Variants in PDE10A observed in about 807,000 individuals in gnomAD.
PDE10A encodes the protein cAMP and cAMP-inhibited cGMP 3',5'-cyclic phosphodiesterase 10A.
Under a neutral mutation model 97.7 loss-of-function variants are expected in PDE10A, and 39 were observed. The observed-to-expected ratio is 0.40, with a 90% CI of 0.31 to 0.52. The LOEUF is 0.52. PDE10A is among the 20% of genes least tolerant of loss of function. The probability of loss-of-function intolerance (pLI) is 0.56; values close to 1 mark genes in which losing one functional copy is unlikely to be tolerated. For synonymous variants in PDE10A, 371 were observed against 376.8 expected, an observed-to-expected ratio of 0.98 and a Z score of 0.18; for missense variants, 731 against 1,047.8, an observed-to-expected ratio of 0.70 and a Z score of 4.17.
intron 1 of PDE10A, among the ~76,000 whole-genome samples, chr6:165,700,100 C>T (rs1791531515): frequency 6.6e-6 from 1 of 152,196 alleles, no homozygotes; most frequent in Non-Finnish European, 1.5e-5. Flanking sequence ...ACCCAGATGT[C>T]CATCAATGGA....
chr6:165,777,251 G>A (rs1778212158), intron 1 of PDE10A, among the ~76,000 whole-genome samples: 1 of 152,206 alleles, frequency 6.6e-6, no homozygotes, highest in South Asian at 2.1e-4. Flanking sequence ...TGGGTGGCAA[G>A]AATGCTTCTT....
At chr6:165,413,905 G>A (rs552747106) in intron 12 of PDE10A, among the ~76,000 whole-genome samples, 1 of 151,928 alleles carries the variant, frequency 6.6e-6, no homozygotes, top group Non-Finnish European at 1.5e-5. Flanking sequence ...TGGTTCTTTT[G>A]TCTCCAAGTG....
chr6:165,435,383 G>C lies in PDE10A; in HGVS notation c.1195-6C>G. ...GGCGTGAATATACACAGGCTCTAGGGAGAAGAAAAGATGTTTTACAGACTT... is the reference window on the plus strand; with the variant it reads ...GGCGTGAATATACACAGGCTCTAGGCAGAAGAAAAGATGTTTTACAGACTT... On this transcript the variant is annotated splice_polypyrimidine_tract_variant and splice_region_variant and intron_variant, in intron 5 of 21. Transcript: ENST00000539869. The C allele has an allele frequency of 6.2e-7, 1 of 1,610,562 alleles. No individual in the cohort carries two copies. The highest frequency in any genetic ancestry group is 8.5e-7 in the Non-Finnish European group (1 of 1,178,684).
Position 165,643,621 on chromosome 6 carries a change from G to A in PDE10A, c.865+18326C>T, listed in dbSNP as rs550624767. Among the ~76,000 whole-genome samples the A allele has an allele frequency of 5.3e-5, 8 of 152,192 alleles. No individual in the cohort carries two copies. In the East Asian group the frequency reaches 5.8e-4, roughly 11 times the overall value. Reference sequence around the variant, plus strand: ...AGAAAGACAAATACTGAATGACCTCGCTTATATTTGGAACTTTTAAAAGAA... The same window carrying A: ...AGAAAGACAAATACTGAATGACCTCACTTATATTTGGAACTTTTAAAAGAA... On this transcript the variant is annotated intron_variant, in intron 1 of 21. Coordinates refer to ENST00000539869, the MANE Select transcript of PDE10A (RefSeq NM_001385079.1).
chr6:165,947,560 A>T (rs1446271601), intron 1 of PDE10A, among the ~76,000 whole-genome samples: 2 of 152,180 alleles, frequency 1.3e-5, no homozygotes, highest in Non-Finnish European at 2.9e-5. Context: ...TATTGGAAAG[A>T]GAGGGTAAAT....
chr6:165,482,217 ATCTT>A, intron 3 of PDE10A, 94 bp downstream of exon 3: 1 of 868,662 alleles, frequency 1.2e-6, no homozygotes, highest in Non-Finnish European at 2.0e-6. Context: ...TTTTGCCATA[ATCTT>A]TCTGATACTT....
chr6:165,508,707 G>A (rs906622782), intron 2 of PDE10A, among the ~76,000 whole-genome samples: 1 of 151,776 alleles, frequency 6.6e-6, no homozygotes, highest in Non-Finnish European at 1.5e-5. Flanking sequence ...TATAGTAACT[G>A]GGTTTAATTT....
intron 1 of PDE10A, among the ~76,000 whole-genome samples, chr6:165,816,556 A>G (rs531288878): frequency 6.6e-6 from 1 of 152,332 alleles, no homozygotes; most frequent in Admixed American, 6.5e-5. Context: ...GCCTTGCTTC[A>G]GTTTTCTTAG....
intron 2 of PDE10A, among the ~76,000 whole-genome samples, chr6:165,521,294 G>T (rs988445001): frequency 6.6e-6 from 1 of 152,012 alleles, no homozygotes; most frequent in Non-Finnish European, 1.5e-5. Flanking sequence ...AGACACAACA[G>T]AATTTAAATT....
rs999615724 is a variant in PDE10A, at chr6:165,954,992, C to T, written c.-615+32537G>A. On this transcript the variant is annotated intron_variant, in intron 1 of 19. Coordinates refer to the PDE10A transcript ENST00000366882. The stretch of plus-strand genomic sequence containing the variant: ...GTAGCTCCAGCCTGGCCCATTCCAA[C>T]CTGCCTTACACCTCCACAAGGATCT... 4.6e-5 allele frequency among the ~76,000 whole-genome samples: 7 copies of T among 152,176 alleles called. No individual in the cohort carries two copies. In the South Asian group the frequency reaches 8.3e-4, roughly 18 times the overall value.
At chr6:165,420,180 T>C (rs1788595942) in intron 10 of PDE10A, among the ~76,000 whole-genome samples, 1 of 152,168 alleles carries the variant, frequency 6.6e-6, no homozygotes, top group Admixed American at 6.5e-5. Flanking sequence ...AATTTTGTGG[T>C]CCAAACCCTG....
chr6:165,942,554 C>T (rs1055459573), intron 1 of PDE10A, among the ~76,000 whole-genome samples: 1 of 152,108 alleles, frequency 6.6e-6, no homozygotes, highest in Non-Finnish European at 1.5e-5. Context: ...TGTGTGCTTG[C>T]CAGGGCTCGC....
At chr6:165,412,384 G>A (rs1787932221) in intron 13 of PDE10A, among the ~76,000 whole-genome samples, 1 of 152,040 alleles carries the variant, frequency 6.6e-6, no homozygotes, top group Non-Finnish European at 1.5e-5. Context: ...TGATAAAACA[G>A]TCAATATTCA....
chr6:165,425,044 A>G (rs1583259211), intron 10 of PDE10A, among the ~76,000 whole-genome samples: 1 of 152,158 alleles, frequency 6.6e-6, no homozygotes, highest in Non-Finnish European at 1.5e-5. Context: ...AACAGTGTTC[A>G]TTAGGTTCCA....
At chr6:165,545,040 A>G (rs1370681619) in intron 1 of PDE10A, among the ~76,000 whole-genome samples, 2 of 152,120 alleles carry the variant, frequency 1.3e-5, no homozygotes, top group Non-Finnish European at 2.9e-5. Flanking sequence ...GGTGCAGGAT[A>G]CTACAGTAAG....
chr6:165,543,807 G>A (rs1219458140), intron 1 of PDE10A, among the ~76,000 whole-genome samples: 1 of 151,502 alleles, frequency 6.6e-6, no homozygotes, highest in Non-Finnish European at 1.5e-5. Context: ...TATACGTAAT[G>A]CCACTAAATT....
At chr6:165,482,033 C>T (rs1024636612) in intron 3 of PDE10A, among the ~76,000 whole-genome samples, 5 of 152,156 alleles carry the variant, frequency 3.3e-5, no homozygotes, top group African/African-American at 1.2e-4. Flanking sequence ...CCAATCTTTA[C>T]ATACAGTGTC....
At chr6:165,747,915 T>G (rs1792878568) in intron 1 of PDE10A, among the ~76,000 whole-genome samples, 1 of 152,202 alleles carries the variant, frequency 6.6e-6, no homozygotes, top group Admixed American at 6.5e-5. Flanking sequence ...GGGCTCAGCA[T>G]TTTCCGTGGC....
intron 1 of PDE10A, among the ~76,000 whole-genome samples, chr6:165,607,241 C>T (rs775881930): frequency 2.2e-4 from 33 of 152,208 alleles, no homozygotes; most frequent in Non-Finnish European, 2.1e-4. Flanking sequence ...GACAGCAATG[C>T]TTTAGCTGCA....
Sources: gnomAD v4.1 joint callset for allele counts (sites outside exome capture counted in the v4.1 genomes callset) on GRCh38, gnomAD v4.1.1 for gene constraint, MANE v1.5 for transcripts, NCBI Gene and HGNC (gene_info 2026-07-23, HGNC 2026-07-21) for gene names.